Variants in FSTL5 observed in about 807,000 individuals in gnomAD.
FSTL5 encodes the protein follistatin-related protein 5.
FSTL5 carries 62 observed loss-of-function variants against 89.1 expected under a neutral mutation model. That is an observed-to-expected ratio of 0.70 (90% CI 0.57 to 0.86). The LOEUF is 0.86. Among genes scored for constraint, FSTL5 ranks in the 40% least tolerant of loss-of-function variants. The probability of loss-of-function intolerance (pLI) is 0.00; values close to 1 mark genes in which losing one functional copy is unlikely to be tolerated. For missense variants in FSTL5, 1,057 were observed against 1,001.6 expected, an observed-to-expected ratio of 1.06 and a Z score of -0.75; for synonymous variants, 383 against 346.2, an observed-to-expected ratio of 1.11 and a Z score of -1.18.
chr4:161,594,085 C>T lies in FSTL5; in HGVS notation c.895-6510G>A, dbSNP rs60500818. ...AGAGTATTTTTAGAAAGATTTTGAGCAAAAAAAATAATTACCGATGGCCAG... is the reference window on the plus strand; with the variant it reads ...AGAGTATTTTTAGAAAGATTTTGAGTAAAAAAAATAATTACCGATGGCCAG... On this transcript the variant is annotated intron_variant, in intron 7 of 15. Coordinates refer to ENST00000306100, the MANE Select transcript of FSTL5 (RefSeq NM_020116.5). Among the ~76,000 whole-genome samples the T allele has an allele frequency of 3.7e-3, 558 of 151,302 alleles. 3 individuals are homozygous for T. The highest frequency in any genetic ancestry group is 0.012 in the African/African-American group (514 of 41,300).
intron 10 of FSTL5, among the ~76,000 whole-genome samples, chr4:161,524,735 G>A (rs925230961): frequency 9.2e-5 from 14 of 152,102 alleles, no homozygotes; most frequent in East Asian, 5.8e-4. Context: ...TGAGACGGGC[G>A]GATCACGAGG....
At chr4:161,721,882 A>C (rs1156696662) in intron 6 of FSTL5, among the ~76,000 whole-genome samples, 1 of 152,236 alleles carries the variant, frequency 6.6e-6, no homozygotes, top group African/African-American at 2.4e-5. Context: ...ATAGTTTGCA[A>C]AGGGATAGTT....
chr4:161,686,680 T>A (rs1177558133), intron 6 of FSTL5, among the ~76,000 whole-genome samples: 2 of 152,054 alleles, frequency 1.3e-5, no homozygotes, highest in African/African-American at 4.8e-5. Context: ...ATAACTGCAT[T>A]GTATTACCTT....
Position 161,888,432 on chromosome 4 carries a change from A to C in FSTL5, c.409+31972T>G, listed in dbSNP as rs77338842. Among the ~76,000 whole-genome samples the C allele has an allele frequency of 2.5e-3, 388 of 152,290 alleles. 13 individuals carry two copies. The East Asian group carries it at 0.066, about 26-fold the overall frequency. ...TGGAAAACACATGCTGGACTGCAAG[A>C]AATAGCATTTTAGATGTGTTACATC... On this transcript the variant is annotated intron_variant, in intron 4 of 15. Transcript: ENST00000306100.
At chr4:161,429,433 G>C (rs539555688) in intron 15 of FSTL5, among the ~76,000 whole-genome samples, 1 of 152,316 alleles carries the variant, frequency 6.6e-6, no homozygotes, top group Non-Finnish European at 1.5e-5. Context: ...GCTGGCTTCA[G>C]CTCTAATCTA....
intron 2 of FSTL5, among the ~76,000 whole-genome samples, chr4:162,041,011 A>G (rs544662967): frequency 1.4e-3 from 214 of 152,100 alleles, no homozygotes; most frequent in Non-Finnish European, 2.7e-3. Context: ...CCAGAATTCA[A>G]TAGTCAGGTG....
intron 13 of FSTL5, among the ~76,000 whole-genome samples, chr4:161,471,335 T>C (rs545492134): frequency 1.1e-4 from 17 of 152,382 alleles, no homozygotes; most frequent in African/African-American, 4.1e-4. Flanking sequence ...TCTTTCATTT[T>C]GTTAAGTCTG....
intron 4 of FSTL5, among the ~76,000 whole-genome samples, chr4:161,866,508 G>GT (rs1560889424): frequency 1.4e-4 from 20 of 143,020 alleles, no homozygotes; most frequent in Non-Finnish European, 1.4e-4. Flanking sequence ...GTGTGTGTGT[G>GT]GTTTCAATCT....
At chr4:162,027,566 A>G (rs930929520) in intron 3 of FSTL5, among the ~76,000 whole-genome samples, 1 of 152,134 alleles carries the variant, frequency 6.6e-6, no homozygotes, top group Admixed American at 6.6e-5. Flanking sequence ...TCTCACTCAC[A>G]TAAAGACATG....
At chr4:161,420,279 A>G (rs1430524409) in intron 15 of FSTL5, among the ~76,000 whole-genome samples, 1 of 152,244 alleles carries the variant, frequency 6.6e-6, no homozygotes, top group African/African-American at 2.4e-5. Context: ...GGAAGAAGGT[A>G]GTTATAAATA....
chr4:161,833,969 C>T (rs1730941248), intron 4 of FSTL5, among the ~76,000 whole-genome samples: 1 of 152,092 alleles, frequency 6.6e-6, no homozygotes, highest in Non-Finnish European at 1.5e-5. Flanking sequence ...GCAGTTTCTT[C>T]CTAGCCTCGA....
chr4:162,045,928 C>T (rs572369907), intron 2 of FSTL5, among the ~76,000 whole-genome samples: 34 of 150,286 alleles, frequency 2.3e-4, no homozygotes, highest in Admixed American at 1.1e-3. Flanking sequence ...CAATATTTTA[C>T]GAGTTTTTTA....
At chr4:161,968,295 C>T (rs1374707239) in intron 3 of FSTL5, among the ~76,000 whole-genome samples, 1 of 151,742 alleles carries the variant, frequency 6.6e-6, no homozygotes, top group African/African-American at 2.4e-5. Context: ...AATATGTCTT[C>T]ATTATTAGTT....
intron 4 of FSTL5, among the ~76,000 whole-genome samples, chr4:161,853,901 G>T (rs1040780664): frequency 3.9e-5 from 6 of 152,070 alleles, no homozygotes; most frequent in Admixed American, 3.3e-4. Flanking sequence ...TGCAAAATTA[G>T]ATATGGCTTT....
At chr4:162,064,255 T>C (rs567680518) in intron 2 of FSTL5, among the ~76,000 whole-genome samples, 123 of 152,140 alleles carry the variant, frequency 8.1e-4, no homozygotes, top group African/African-American at 2.8e-3. Context: ...GGTACCTGCA[T>C]GATATTTTGC....
At chr4:161,783,546 T>A (rs1658880369) in intron 4 of FSTL5, among the ~76,000 whole-genome samples, 3 of 151,150 alleles carry the variant, frequency 2.0e-5, no homozygotes, top group Admixed American at 1.3e-4. Context: ...CAGTGCATTA[T>A]GTCTGCTTTC....
chr4:162,023,286 A>G (rs983466026), intron 3 of FSTL5, among the ~76,000 whole-genome samples: 3 of 152,182 alleles, frequency 2.0e-5, no homozygotes, highest in Non-Finnish European at 4.4e-5. Flanking sequence ...AAACAATGGC[A>G]TATAGTTGAT....
intron 7 of FSTL5, among the ~76,000 whole-genome samples, chr4:161,646,712 T>G (rs1441426010): frequency 6.6e-6 from 1 of 152,154 alleles, no homozygotes; most frequent in Non-Finnish European, 1.5e-5. Context: ...GTCTGTGTTT[T>G]TCTCTTCAAC....
intron 4 of FSTL5, among the ~76,000 whole-genome samples, chr4:161,829,297 T>C (rs1730768902): frequency 6.6e-6 from 1 of 150,620 alleles, no homozygotes; most frequent in Non-Finnish European, 1.5e-5. Flanking sequence ...GTAGCAAAAA[T>C]AGGAAAATAT....
Sources: allele counts gnomAD v4.1 joint callset (sites outside exome capture counted in the v4.1 genomes callset), GRCh38; gene constraint gnomAD v4.1.1; transcripts MANE v1.5; gene names NCBI Gene and HGNC (gene_info 2026-07-23, HGNC 2026-07-21).